The following PRDM5 variants were observed in gnomAD, a reference collection of about 807,000 sequenced individuals.
The protein encoded by PRDM5 is PR/SET domain 5.
Under a neutral mutation model 81.2 loss-of-function variants are expected in PRDM5, and 56 were observed. The ratio of observed to expected loss-of-function variants is 0.69; its 90% CI spans 0.56 to 0.86. The LOEUF (loss-of-function observed/expected upper bound fraction) is 0.86, where lower values mean the gene tolerates loss of function less well. Ranked by LOEUF, PRDM5 falls within the 40% of genes least tolerant of loss-of-function variation. PRDM5 has a pLI of 0.00. For missense variants in PRDM5, 697 were observed against 770.1 expected, an observed-to-expected ratio of 0.91 and a Z score of 1.12; for synonymous variants, 267 against 256.4, an observed-to-expected ratio of 1.04 and a Z score of -0.39.
intron 2 of PRDM5, among the ~76,000 whole-genome samples, chr4:120,874,678 T>G (rs541146798): frequency 1.3e-5 from 2 of 152,354 alleles, no homozygotes; most frequent in African/African-American, 2.4e-5. Flanking sequence ...GATTGATTAC[T>G]ATTAGCTTTA....
At chr4:120,700,503 A>G (rs1010527037) in intron 15 of PRDM5, among the ~76,000 whole-genome samples, 4 of 152,182 alleles carry the variant, frequency 2.6e-5, no homozygotes, top group East Asian at 1.9e-4. Flanking sequence ...AACAATCAAT[A>G]AAATAAACAG....
intron 3 of PRDM5, among the ~76,000 whole-genome samples, chr4:120,827,107 G>A (rs935287105): frequency 6.6e-6 from 1 of 152,060 alleles, no homozygotes; most frequent in African/African-American, 2.4e-5. Flanking sequence ...ATGACAAATC[G>A]ACTCGCAAAG....
chr4:120,849,592 A>G (rs1759036351), intron 3 of PRDM5, among the ~76,000 whole-genome samples: 2 of 152,164 alleles, frequency 1.3e-5, no homozygotes, highest in South Asian at 4.1e-4. Context: ...AGTCACAGAA[A>G]AGACATGCCT....
At chr4:120,813,463 A>G (rs1398128890) in intron 7 of PRDM5, among the ~76,000 whole-genome samples, 1 of 152,204 alleles carries the variant, frequency 6.6e-6, no homozygotes, top group Non-Finnish European at 1.5e-5. Context: ...CAATATTACA[A>G]AATGATTTCG....
chr4:120,747,237 G>T (rs1248864119), intron 14 of PRDM5, among the ~76,000 whole-genome samples: 1 of 143,370 alleles, frequency 7.0e-6, no homozygotes, highest in Non-Finnish European at 1.5e-5. Context: ...TGAACAATGA[G>T]ATCACATGGA....
intron 1 of PRDM5, among the ~76,000 whole-genome samples, chr4:120,911,832 G>A (rs1766547614): frequency 6.6e-6 from 1 of 152,140 alleles, no homozygotes; most frequent in South Asian, 2.1e-4. Context: ...TAACAAATTT[G>A]TAAGCCCATA....
intron 14 of PRDM5, among the ~76,000 whole-genome samples, chr4:120,729,552 T>C (rs1392210106): frequency 6.6e-6 from 1 of 152,022 alleles, no homozygotes; most frequent in Non-Finnish European, 1.5e-5. Flanking sequence ...CCCTGAAAAA[T>C]TATGGTATCA....
chr4:120,711,462 CTAT>C (rs752938450), intron 14 of PRDM5, among the ~76,000 whole-genome samples: 2 of 41,258 alleles, frequency 4.8e-5, no homozygotes, highest in Non-Finnish European at 9.3e-5. Flanking sequence ...CCATACCCAG[CTAT>C]TTTTTTTTTT....
chr4:120,779,157 A>G (rs1460397459), intron 12 of PRDM5, among the ~76,000 whole-genome samples: 2 of 152,178 alleles, frequency 1.3e-5, no homozygotes, highest in African/African-American at 2.4e-5. Flanking sequence ...GGTTATATTA[A>G]TGAAAAAAAT....
intron 3 of PRDM5, among the ~76,000 whole-genome samples, chr4:120,829,387 CCGGCATTATGTGTA>C (rs1457591151): frequency 1.3e-5 from 2 of 152,060 alleles, no homozygotes; most frequent in African/African-American, 4.8e-5. Context: ...CCTTCCACAT[CCGGCATTATGTGTA>C]CACCTCAACC....
chr4:120,830,357 C>G (rs1351460746), intron 3 of PRDM5, among the ~76,000 whole-genome samples: 1 of 151,978 alleles, frequency 6.6e-6, no homozygotes, highest in African/African-American at 2.4e-5. Flanking sequence ...TTTTGGCCGC[C>G]GCTCTCTTTC....
intron 3 of PRDM5, among the ~76,000 whole-genome samples, chr4:120,835,822 GA>G (rs575526262): frequency 2.6e-5 from 4 of 151,006 alleles, no homozygotes; most frequent in South Asian, 2.1e-4. Context: ...AAAGGCGAAA[GA>G]AAAAAAAAGT....
chr4:120,703,002 T>A (rs1735599745), intron 15 of PRDM5, among the ~76,000 whole-genome samples: 1 of 152,142 alleles, frequency 6.6e-6, no homozygotes, highest in African/African-American at 2.4e-5. Context: ...GCCTTCTCTT[T>A]CCCCCATGCC....
At chr4:120,720,125 G>A (rs1738383717) in intron 14 of PRDM5, among the ~76,000 whole-genome samples, 1 of 152,142 alleles carries the variant, frequency 6.6e-6, no homozygotes, top group African/African-American at 2.4e-5. Flanking sequence ...CATGTGTCTG[G>A]AGTAAAGGGC....
In PRDM5 at chr4:120,821,337, T is replaced by C. The variant is rs532844055; in HGVS notation, c.309A>G (p.Glu103=). The C allele has an allele frequency of 4.6e-5, 74 of 1,613,912 alleles. No homozygotes were observed. In the South Asian group the frequency reaches 7.6e-4, roughly 17 times the overall value. The stretch of plus-strand genomic sequence containing the variant: ...CTTCAACTGCCAAATAGAAAATGTT[T>C]TCTCCTTCCTGAAACAAATTTTTTT... ...QKNLAAIQEG[E]NIFYLAVEDI... The change falls in exon 4 of 16, where the codon GAA becomes GAG. Residue 103 remains glutamate (E), a synonymous_variant. Transcript: ENST00000264808.
chr4:120,757,473 A>G (rs1223987369), intron 13 of PRDM5, among the ~76,000 whole-genome samples: 1 of 152,188 alleles, frequency 6.6e-6, no homozygotes, highest in African/African-American at 2.4e-5. Flanking sequence ...ATAGCTGGTT[A>G]ATTTTACATG....
rs76283361 is a variant in PRDM5, at chr4:120,753,713, A to T, written c.1623+840T>A. 2.4e-3 allele frequency among the ~76,000 whole-genome samples: 359 copies of T among 152,308 alleles called. 1 individual carries two copies. The highest frequency in any genetic ancestry group is 8.3e-3 in the African/African-American group (347 of 41,576). On this transcript the variant is annotated intron_variant, in intron 14 of 15. Transcript: ENST00000264808. Reference sequence around the variant, plus strand: ...TAAGTCTCTTAAAATTTGAAAAAAAAAATACATCATTTACATACAGACCAT... The same window carrying T: ...TAAGTCTCTTAAAATTTGAAAAAAATAATACATCATTTACATACAGACCAT...
At chr4:120,878,498 T>C (rs1762541366) in intron 2 of PRDM5, among the ~76,000 whole-genome samples, 1 of 152,188 alleles carries the variant, frequency 6.6e-6, no homozygotes, top group South Asian at 2.1e-4. Context: ...CTAGGTAAGC[T>C]TGTGTTTGGT....
chr4:120,916,634 T>A (rs138163292), intron 1 of PRDM5, among the ~76,000 whole-genome samples: 5 of 152,070 alleles, frequency 3.3e-5, no homozygotes, highest in Non-Finnish European at 1.5e-5. Context: ...CTTTGACATA[T>A]CCCCTTGCTG....
Sources: gnomAD v4.1 joint callset for allele counts (sites outside exome capture counted in the v4.1 genomes callset) on GRCh38, gnomAD v4.1.1 for gene constraint, MANE v1.5 for transcripts, NCBI Gene and HGNC (gene_info 2026-07-23, HGNC 2026-07-21) for gene names.